The following PDE7B variants were observed in gnomAD, a reference collection of about 807,000 sequenced individuals.
PDE7B encodes the protein 3',5'-cyclic-AMP phosphodiesterase 7B.
Under a neutral mutation model 56.2 loss-of-function variants are expected in PDE7B, and 29 were observed. That is an observed-to-expected ratio of 0.52 (90% CI 0.38 to 0.70). The LOEUF (loss-of-function observed/expected upper bound fraction) is 0.70. PDE7B is among the 30% of genes least tolerant of loss of function. The pLI is 0.00. For missense variants in PDE7B, 490 were observed against 565.0 expected (o/e 0.87, Z 1.35); for synonymous variants, 197 against 196.9 (o/e 1.00, Z 0.00).
chr6:136,177,680 A>G (rs1001182109), intron 9 of PDE7B, among the ~76,000 whole-genome samples: 5 of 152,202 alleles, frequency 3.3e-5, no homozygotes, highest in African/African-American at 9.6e-5. Context: ...CTGGGAGCAA[A>G]AATTTATACC....
chr6:136,041,619 C>G (rs1166698770), intron 2 of PDE7B, among the ~76,000 whole-genome samples: 1 of 152,184 alleles, frequency 6.6e-6, no homozygotes, highest in Non-Finnish European at 1.5e-5. Context: ...GGGAGTGCCC[C>G]CAAAGCTGGG....
chr6:135,868,004 A>G (rs1216599407), intron 1 of PDE7B, among the ~76,000 whole-genome samples: 1 of 152,172 alleles, frequency 6.6e-6, no homozygotes. Flanking sequence ...TTCAAAGCTC[A>G]TTTTATGTGT....
chr6:136,100,508 C>G (rs1199712494), intron 2 of PDE7B, among the ~76,000 whole-genome samples: 1 of 152,040 alleles, frequency 6.6e-6, no homozygotes, highest in Non-Finnish European at 1.5e-5. Flanking sequence ...AAGTTGGATT[C>G]CTGGGTATTT....
intron 1 of PDE7B, among the ~76,000 whole-genome samples, chr6:135,889,592 C>G (rs1023095914): frequency 4.0e-5 from 6 of 150,678 alleles, no homozygotes; most frequent in African/African-American, 7.3e-5. Context: ...AGGCGCCCAC[C>G]ACCAGGCCCA....
intron 2 of PDE7B, among the ~76,000 whole-genome samples, chr6:136,018,677 T>C (rs1358504627): frequency 6.6e-6 from 1 of 152,218 alleles, no homozygotes; most frequent in East Asian, 1.9e-4. Context: ...ACAAAGTTTT[T>C]ATGTTTTTTA....
Position 135,935,190 on chromosome 6 carries a change from T to TTTTATATATATATATA in PDE7B, c.22-12273_22-12272insTTATATATATATATAT, listed in dbSNP as rs1436649469. Among the ~76,000 whole-genome samples the TTTTATATATATATATA allele has an allele frequency of 8.0e-4, 29 of 36,184 alleles. 3 individuals carry two copies. The highest frequency in any genetic ancestry group is 3.0e-3 in the African/African-American group (25 of 8,352). The allele number at this position is 36,184 out of a possible 152,430, so 23.7% of individuals were successfully genotyped here. A position where few individuals can be genotyped will look rare whatever the true frequency, so the allele number is the denominator to read the frequency against. ...GAGAATTTTATATATATATATTTAT[T>TTTTATATATATATATA]TATATATATATATATATATATATAT... is the stretch of plus-strand genomic sequence containing the variant. On this transcript the variant is annotated intron_variant, in intron 1 of 12. Coordinates refer to ENST00000308191, the MANE Select transcript of PDE7B (RefSeq NM_018945.4).
chr6:135,926,215 C>A (rs184115632), intron 1 of PDE7B, among the ~76,000 whole-genome samples: 3 of 151,364 alleles, frequency 2.0e-5, no homozygotes, highest in Non-Finnish European at 2.9e-5. Context: ...GCCTCCCGAG[C>A]AGCTGGGACT....
At chr6:135,970,813 G>A (rs1775082718) in intron 2 of PDE7B, among the ~76,000 whole-genome samples, 1 of 152,164 alleles carries the variant, frequency 6.6e-6, no homozygotes, top group Non-Finnish European at 1.5e-5. Context: ...AGACTGTAGT[G>A]GGGCAGCGAG....
chr6:136,038,427 T>C, intron 2 of PDE7B: 1 of 1,290,574 alleles, frequency 7.7e-7, no homozygotes, highest in Non-Finnish European at 1.0e-6. Flanking sequence ...TTGCCAGAGA[T>C]GATCAGGATG....
chr6:136,179,920 G>C (rs1379601429), intron 10 of PDE7B, among the ~76,000 whole-genome samples: 1 of 152,184 alleles, frequency 6.6e-6, no homozygotes, highest in African/African-American at 2.4e-5. Context: ...AGCCATTTGT[G>C]ACATGACAAA....
At position 136,038,229 on chromosome 6, in the gene PDE7B, A is replaced by ACAGCAGCAGCAG. The variant is rs749880317; in HGVS notation, c.83-70493_83-70482dup. The ACAGCAGCAGCAG allele has an allele frequency of 3.8e-5, 49 of 1,294,022 alleles. 8 individuals carry two copies. In the East Asian group the frequency reaches 1.7e-3, roughly 45 times the overall value. The allele number at this position is 1,294,022 out of a possible 1,614,324, so 80.2% of individuals were successfully genotyped here. A position where few individuals can be genotyped will look rare whatever the true frequency, so the allele number is the denominator to read the frequency against. ...AGAAGCAGAAACAGCAGCAGCAGCA[A>ACAGCAGCAGCAG]CAGCAGCAGCAGCAGCAGCACCACC... On this transcript the variant is annotated intron_variant, in intron 2 of 12. Transcript: ENST00000308191.
chr6:135,928,482 T>TG (rs1562442898), intron 1 of PDE7B, among the ~76,000 whole-genome samples: 5 of 100,262 alleles, frequency 5.0e-5, no homozygotes, highest in African/African-American at 1.8e-4. Flanking sequence ...TATATATATA[T>TG]TTATTTATAT....
intron 1 of PDE7B, among the ~76,000 whole-genome samples, chr6:135,928,800 A>G (rs1583777592): frequency 1.3e-5 from 2 of 151,844 alleles, no homozygotes; most frequent in African/African-American, 4.8e-5. Flanking sequence ...AACAGTGGGG[A>G]CTGCTTGAAG....
intron 2 of PDE7B, among the ~76,000 whole-genome samples, chr6:136,051,858 G>A (rs1185974852): frequency 6.6e-6 from 1 of 151,952 alleles, no homozygotes; most frequent in African/African-American, 2.4e-5. Flanking sequence ...TATACTTACG[G>A]GCTGGTTAGA....
chr6:136,077,949 G>T (rs1431936163), intron 2 of PDE7B, among the ~76,000 whole-genome samples: 1 of 152,176 alleles, frequency 6.6e-6, no homozygotes, highest in African/African-American at 2.4e-5. Flanking sequence ...ACCTGGCCAG[G>T]CTTCCTGATT....
At chr6:135,859,924 GA>G (rs368100637) in intron 1 of PDE7B, among the ~76,000 whole-genome samples, 1,991 of 150,330 alleles carry the variant, frequency 0.013, 30 homozygotes, top group African/African-American at 0.046. Flanking sequence ...GGAAAAGCAG[GA>G]AAAAAAAATG....
At position 135,875,767 on chromosome 6, in the gene PDE7B, A is replaced by G. The variant is rs569675766; in HGVS notation, c.21+23748A>G. 2.0e-5 allele frequency among the ~76,000 whole-genome samples: 3 copies of G among 152,340 alleles called. No homozygotes were observed. The South Asian group carries it at 6.2e-4, about 32-fold the overall frequency. ...ACCTTTGTTCTTGAATGATAATTTA[A>G]CAGGATCTAGAATTCTCTAGGTTTT... On this transcript the variant is annotated intron_variant, in intron 1 of 12. Coordinates refer to ENST00000308191, the MANE Select transcript of PDE7B (RefSeq NM_018945.4).
chr6:136,007,130 T>C (rs1399591939), intron 2 of PDE7B, among the ~76,000 whole-genome samples: 2 of 152,206 alleles, frequency 1.3e-5, no homozygotes, highest in Non-Finnish European at 2.9e-5. Context: ...GGATGTTGGA[T>C]TTTATCAAAA....
rs773278314 is a variant in PDE7B at position 136,084,588 on chromosome 6, C to T, written c.83-24143C>T. Among the ~76,000 whole-genome samples, 57 of 152,160 alleles carry T rather than the reference C, an allele frequency of 3.7e-4. 2 individuals are homozygous for T. The highest frequency in any genetic ancestry group is 2.0e-4 in the Admixed American group (3 of 15,282). On this transcript the variant is annotated intron_variant, in intron 2 of 12. Transcript: ENST00000308191. ...ATTCAAGATAAACACTAGCAGTCTC[C>T]GTCAGAAGGGTCAATTATGGCTTAG...
Sources: allele counts gnomAD v4.1 joint callset (sites outside exome capture counted in the v4.1 genomes callset), GRCh38; gene constraint gnomAD v4.1.1; transcripts MANE v1.5; gene names NCBI Gene and HGNC (gene_info 2026-07-23, HGNC 2026-07-21).